The following MACROD2 variants were observed in gnomAD, a reference collection of about 807,000 sequenced individuals.
MACROD2 encodes mono-ADP ribosylhydrolase 2, also known as ADP-ribose glycohydrolase MACROD2.
MACROD2 carries 36 observed loss-of-function variants against 70.4 expected under a neutral mutation model. That is an observed-to-expected ratio of 0.51 (90% CI 0.39 to 0.68). The LOEUF is 0.68. Ranked by LOEUF, MACROD2 falls within the 30% of genes least tolerant of loss-of-function variation. The pLI, the probability that MACROD2 is intolerant of heterozygous loss-of-function variation, is 0.00. For missense variants in MACROD2, 496 were observed against 538.4 expected (o/e 0.92, Z 0.78); for synonymous variants, 172 against 178.8 (o/e 0.96, Z 0.30).
intron 8 of MACROD2, among the ~76,000 whole-genome samples, chr20:15,575,140 G>A (rs923329085): frequency 3.9e-5 from 6 of 152,132 alleles, no homozygotes; most frequent in Non-Finnish European, 7.4e-5. Flanking sequence ...AGTGATCAGA[G>A]CATTTCGTTT....
chr20:15,439,242 G>T (rs2046465102), intron 7 of MACROD2, among the ~76,000 whole-genome samples: 1 of 152,086 alleles, frequency 6.6e-6, no homozygotes, highest in South Asian at 2.1e-4. Flanking sequence ...TCCAGTAGCT[G>T]CCATTTCTCA....
intron 3 of MACROD2, among the ~76,000 whole-genome samples, chr20:14,491,231 T>C (rs1445633084): frequency 6.6e-6 from 1 of 152,182 alleles, no homozygotes. Flanking sequence ...TATGTCACTT[T>C]TGCTGAAGAA....
chr20:14,828,652 C>T (rs1487999467), intron 5 of MACROD2, among the ~76,000 whole-genome samples: 4 of 151,892 alleles, frequency 2.6e-5, no homozygotes, highest in Admixed American at 6.6e-5. Context: ...AGGAATGTTA[C>T]GTCATTGAAC....
At chr20:15,022,490 G>C (rs1292730060) in intron 5 of MACROD2, among the ~76,000 whole-genome samples, 1 of 152,170 alleles carries the variant, frequency 6.6e-6, no homozygotes, top group Non-Finnish European at 1.5e-5. Context: ...GGGACTATTA[G>C]AAGCAGAATA....
chr20:15,676,195 T>A (rs1023648309), intron 8 of MACROD2, among the ~76,000 whole-genome samples: 3 of 152,346 alleles, frequency 2.0e-5, no homozygotes, highest in Admixed American at 2.0e-4. Flanking sequence ...ATTAAAGGAA[T>A]CTGCATCTTA....
chr20:14,665,971 C>A (rs2070732635), intron 4 of MACROD2, among the ~76,000 whole-genome samples: 1 of 152,044 alleles, frequency 6.6e-6, no homozygotes, highest in Admixed American at 6.6e-5. Context: ...GTCAAGATTG[C>A]CATTATACTA....
chr20:14,239,458 C>T (rs1387163314), intron 3 of MACROD2, among the ~76,000 whole-genome samples: 1 of 152,166 alleles, frequency 6.6e-6, no homozygotes, highest in Non-Finnish European at 1.5e-5. Context: ...CATTTTCTAC[C>T]TATCTTTAAA....
At chr20:15,623,656 A>T (rs993311535) in intron 8 of MACROD2, among the ~76,000 whole-genome samples, 14 of 151,740 alleles carry the variant, frequency 9.2e-5, no homozygotes, top group Admixed American at 2.0e-4. Context: ...AATCTTGCTT[A>T]ACTAAGTTTA....
chr20:14,955,690 C>T (rs11905395), intron 5 of MACROD2, among the ~76,000 whole-genome samples: 21,154 of 151,978 alleles, frequency 0.14, 1,780 homozygotes, highest in East Asian at 0.33. Context: ...TCTAACTCTG[C>T]GACCAGCGCT....
At chr20:14,434,529 C>T (rs758528229) in intron 3 of MACROD2, among the ~76,000 whole-genome samples, 4 of 152,058 alleles carry the variant, frequency 2.6e-5, no homozygotes, top group Non-Finnish European at 5.9e-5. Context: ...TCTCATCCAG[C>T]CTTTATTACA....
chr20:15,949,218 T>C (rs570045636), intron 12 of MACROD2, among the ~76,000 whole-genome samples: 1 of 152,192 alleles, frequency 6.6e-6, no homozygotes, highest in African/African-American at 2.4e-5. Context: ...ACTGAAAGAG[T>C]TAATATATTT....
intron 5 of MACROD2, among the ~76,000 whole-genome samples, chr20:15,115,821 G>A (rs1255281473): frequency 6.6e-6 from 1 of 152,116 alleles, no homozygotes. Context: ...AAAATAAAGA[G>A]TACAGAATGG....
intron 5 of MACROD2, among the ~76,000 whole-genome samples, chr20:15,031,338 G>A (rs1236973291): frequency 6.6e-6 from 1 of 152,202 alleles, no homozygotes; most frequent in Non-Finnish European, 1.5e-5. Context: ...TGTGGCAAGC[G>A]AGGGGTTGTG....
chr20:14,615,440 G>A (rs530218866), intron 4 of MACROD2, among the ~76,000 whole-genome samples: 1 of 152,262 alleles, frequency 6.6e-6, no homozygotes, highest in East Asian at 1.9e-4. Flanking sequence ...TTTAGATGGG[G>A]AGGATAAGAG....
intron 6 of MACROD2, among the ~76,000 whole-genome samples, chr20:15,234,278 C>T (rs1052970272): frequency 6.7e-6 from 1 of 149,932 alleles, no homozygotes; most frequent in Non-Finnish European, 1.5e-5. Context: ...GTGATCCGCC[C>T]GCCTCGGCCT....
rs192021975 is a variant in MACROD2 at position 14,834,519 on chromosome 20, G to T, written c.418+149560G>T. Among the ~76,000 whole-genome samples the T allele has an allele frequency of 4.6e-5, 7 of 152,100 alleles. No homozygotes were observed. The East Asian group carries it at 1.4e-3, about 29-fold the overall frequency. On this transcript the variant is annotated intron_variant, in intron 5 of 17. Coordinates refer to ENST00000684519, the MANE Select transcript of MACROD2 (RefSeq NM_001351661.2). ...CAGTGGAAATGAATAGTTAAAATTC[G>T]AAGGGACCCATTAAGTGTATGATGG...
chr20:15,231,648 A>G (rs1291717209), intron 6 of MACROD2, among the ~76,000 whole-genome samples: 1 of 152,054 alleles, frequency 6.6e-6, no homozygotes, highest in Non-Finnish European at 1.5e-5. Flanking sequence ...TAGAGAAAGG[A>G]ATCTCTAACT....
At chr20:14,428,135 A>G (rs2083954810) in intron 3 of MACROD2, among the ~76,000 whole-genome samples, 1 of 152,142 alleles carries the variant, frequency 6.6e-6, no homozygotes, top group South Asian at 2.1e-4. Flanking sequence ...GTAAACTGAC[A>G]GAACTCAATT....
At chr20:14,220,922 G>A (rs1023487543) in intron 3 of MACROD2, among the ~76,000 whole-genome samples, 2 of 152,106 alleles carry the variant, frequency 1.3e-5, no homozygotes, top group African/African-American at 2.4e-5. Flanking sequence ...GAGGGTCTGT[G>A]GGTCCTCTCA....
Sources: allele counts gnomAD v4.1 joint callset (sites outside exome capture counted in the v4.1 genomes callset), GRCh38; gene constraint gnomAD v4.1.1; transcripts MANE v1.5; gene names NCBI Gene and HGNC (gene_info 2026-07-23, HGNC 2026-07-21).